PLXNB1: variants seen among roughly 807,000 people sequenced by gnomAD.
PLXNB1 encodes plexin B1.
In PLXNB1, 106 loss-of-function variants were observed where a neutral mutation model predicts 209.4. That is an observed-to-expected ratio of 0.51 (90% CI 0.43 to 0.59). The LOEUF (loss-of-function observed/expected upper bound fraction) is 0.59, where lower values mean the gene tolerates loss of function less well. Ranked by LOEUF, PLXNB1 falls within the 20% of genes least tolerant of loss-of-function variation. The pLI is 0.00. For synonymous variants in PLXNB1, 1,167 were observed against 1,183.2 expected (o/e 0.99, Z 0.28); for missense variants, 2,357 against 2,853.2 (o/e 0.83, Z 3.96).
intron 7 of PLXNB1, 98 bp downstream of exon 7, chr3:48,421,576 T>C: frequency 3.1e-6 from 4 of 1,279,782 alleles, no homozygotes; most frequent in Non-Finnish European, 4.3e-6. Context: ...TGAGGCCATG[T>C]GGTATCTGGC....
rs1349694670 is a variant in PLXNB1, at chr3:48,419,448, G to C, written c.2710-82C>G. On this transcript the variant is annotated intron_variant, in intron 11 of 37. Transcript: ENST00000296440. The surrounding 1 kb of genome is among the most constrained non-coding windows in gnomAD (Gnocchi z 5.7). The stretch of plus-strand genomic sequence containing the variant: ...CTGCCTTGCCAGATTCCAGAGGCAA[G>C]GCCGGTGTGGGGCTGCAGACTCCAC... 2.0e-6 allele frequency: 3 copies of C among 1,505,732 alleles called. No homozygotes were observed. The Admixed American group carries it at 6.5e-5, about 33-fold the overall frequency. The allele number at this position is 1,505,732 out of a possible 1,614,324, so 93.3% of individuals were successfully genotyped here.
intron 21 of PLXNB1, 70 bp from the exon 22 acceptor site, chr3:48,414,141 A>G: frequency 6.7e-7 from 1 of 1,493,892 alleles, no homozygotes; most frequent in African/African-American, 1.4e-5. Context: ...CAAATGTGGG[A>G]AGGACCCTGA....
chr3:48,414,264 C>T (rs942433428), intron 21 of PLXNB1, among the ~76,000 whole-genome samples, 193 bp from the exon 22 acceptor site: 3 of 152,196 alleles, frequency 2.0e-5, no homozygotes, highest in African/African-American at 7.2e-5. Context: ...CCTTTCCTAT[C>T]TTTCTTCTCC....
rs1312558365 is a variant in PLXNB1, at chr3:48,417,555, G to C, written c.3374+356C>G. On this transcript the variant is annotated intron_variant, in intron 16 of 37. Transcript: ENST00000296440. This position sits in a 1 kb window ranked among gnomAD's most constrained non-coding sequence, Gnocchi z 4.4. ...AATGCCTGGGGAAGAGTGAGCTGGT[G>C]AGAAGGCCAGCCCCTGAGCTTATCT... Among the ~76,000 whole-genome samples the C allele has an allele frequency of 6.6e-6, 1 of 152,184 alleles. No individual in the cohort carries two copies. Among genetic ancestry groups the C allele is most frequent in the Non-Finnish European group, 1.5e-5 (1 of 68,016 alleles).
In PLXNB1 at chr3:48,416,369, A is replaced by T. The variant is rs1223318462; in HGVS notation, c.3457T>A (p.Ser1153Thr). The T allele has an allele frequency of 6.2e-7, 1 of 1,612,574 alleles. No homozygotes were observed. The highest frequency in any genetic ancestry group is 8.5e-7 in the Non-Finnish European group (1 of 1,179,642). The change falls in exon 17 of 38, where the codon TCA becomes ACA. Residue 1153 changes from serine to threonine, a missense_variant. Coordinates refer to ENST00000296440, the MANE Select transcript of PLXNB1 (RefSeq NM_001130082.3). This position sits in a 1 kb window ranked among gnomAD's most constrained non-coding sequence, Gnocchi z 4.1. ...VEVPGRGRGV[S>T]EHDFAYQDPK... ...ACCTGGTAGGCAAAGTCGTGTTCTGAGACACCACGTCCTCTTCCCGGCACC... is the reference window on the plus strand; with the variant it reads ...ACCTGGTAGGCAAAGTCGTGTTCTGTGACACCACGTCCTCTTCCCGGCACC...
In PLXNB1 at chr3:48,423,702, T is replaced by A; in HGVS notation, c.910A>T (p.Thr304Ser). 1 of 1,613,596 alleles carries A rather than the reference T, an allele frequency of 6.2e-7. No homozygotes were observed. Among genetic ancestry groups the A allele is most frequent in the Non-Finnish European group, 8.5e-7 (1 of 1,179,870 alleles). ...FAAFSSAAPP[T>S]VGRPPSAAAG... The stretch of plus-strand genomic sequence containing the variant: ...GCCGCCGATGGGGGCCGGCCCACAG[T>A]GGGGGGTGCAGCCGAGGAGAAAGCT... Residue 304 changes from threonine to serine, a missense_variant, in exon 3 of 38, where the codon ACT becomes TCT. Around this residue, in one of 7 missense-constraint regions of PLXNB1, gnomAD observed 404 missense variants for 443.6 expected, o/e 0.91. Transcript: ENST00000296440.
Position 48,416,150 on chromosome 3 carries a change from G to A in PLXNB1, c.3498C>T (p.Ser1166=). 6.3e-7 allele frequency: 1 copy of A among 1,599,578 alleles called. No individual in the cohort carries two copies. Among genetic ancestry groups the A allele is most frequent in the Non-Finnish European group, 8.5e-7 (1 of 1,173,400 alleles). Reference sequence around the variant, plus strand: ...CTCTGGGGCCGCGGGCCGGGAAGATGGAATGGACCTTCGGATCCTGTGGGA... The same window carrying A: ...CTCTGGGGCCGCGGGCCGGGAAGATAGAATGGACCTTCGGATCCTGTGGGA... The part of the protein sequence containing the change: ...DFAYQDPKVH[S]IFPARGPRAG... The change falls in exon 18 of 38, where the codon TCC becomes TCT. Residue 1166 remains serine, a synonymous_variant. Coordinates refer to ENST00000296440, the MANE Select transcript of PLXNB1 (RefSeq NM_001130082.3). This position sits in a 1 kb window ranked among gnomAD's most constrained non-coding sequence, Gnocchi z 4.1.
intron 27 of PLXNB1, 23 bp from the exon 28 acceptor site, chr3:48,412,032 G>A (rs377000810): frequency 6.2e-7 from 1 of 1,613,206 alleles, no homozygotes; most frequent in African/African-American, 1.3e-5. Flanking sequence ...AGGCAGTTAG[G>A]GCCCCCCAGC....
In PLXNB1 at chr3:48,410,649, T is replaced by G; in HGVS notation, c.5417-91A>C. The G allele has an allele frequency of 8.8e-7, 1 of 1,135,794 alleles. No homozygotes were observed. The highest frequency in any genetic ancestry group is 1.3e-5 in the South Asian group (1 of 76,304). 70.4% of individuals were successfully genotyped at this position (1,135,794 alleles called of 1,614,324 possible). The stretch of plus-strand genomic sequence containing the variant: ...CCTCCTCCACAGGGACACCAGCCCC[T>G]CCATCATGGGGCAGCCTTACTCAAC... On this transcript the variant is annotated intron_variant, in intron 29 of 37. Transcript: ENST00000296440. The surrounding 1 kb of genome is among the most constrained non-coding windows in gnomAD (Gnocchi z 6.4).
rs1178462860 is a variant in PLXNB1 at position 48,418,134 on chromosome 3, C to T, written c.3222+57G>A. 6.2e-7 allele frequency: 1 copy of T among 1,608,146 alleles called. No homozygotes were observed. The highest frequency in any genetic ancestry group is 1.1e-5 in the South Asian group (1 of 90,644). On this transcript the variant is annotated intron_variant, in intron 15 of 37. Transcript: ENST00000296440. This position sits in a 1 kb window ranked among gnomAD's most constrained non-coding sequence, Gnocchi z 6.6. The stretch of plus-strand genomic sequence containing the variant: ...GCCCCAACCTCCCACCTTTGGGCCC[C>T]CACACCCTCCCTCTAAGGGCAGCAC...
Position 48,415,367 on chromosome 3 carries a change from T to C in PLXNB1, c.3795-20A>G. ...CCTCCACTGAAACAGACCGTGAGCT[T>C]ACGTAACGTAAGATGGCTTATGTTA... On this transcript the variant is annotated intron_variant, in intron 19 of 37. Transcript: ENST00000296440. This position sits in a 1 kb window ranked among gnomAD's most constrained non-coding sequence, Gnocchi z 5.0. 6.2e-7 allele frequency: 1 copy of C among 1,608,486 alleles called. No individual in the cohort carries two copies. Among genetic ancestry groups the C allele is most frequent in the Non-Finnish European group, 8.5e-7 (1 of 1,176,266 alleles).
rs1452579314 is a variant in PLXNB1, at chr3:48,424,219, C to G, written c.393G>C (p.Leu131=). The change falls in exon 3 of 38, where the codon CTG becomes CTC. Residue 131 remains leucine (L), a synonymous_variant. Transcript: ENST00000296440. The stretch of plus-strand genomic sequence containing the variant: ...TGTCCCCAGGCCGCTCTGGCCGCAG[C>G]AGCAGCTGCTCGAGCTGCCCCAGGC... ...QRRLGQLEQL[L]LRPERPGDTQ... is the part of the protein sequence containing the mutation. The G allele has an allele frequency of 6.2e-7, 1 of 1,601,338 alleles. No individual in the cohort carries two copies. The highest frequency in any genetic ancestry group is 1.3e-5 in the African/African-American group (1 of 74,632).
At position 48,419,488 on chromosome 3, in the gene PLXNB1, C is replaced by T. The variant is rs1245893259; in HGVS notation, c.2709+89G>A. The T allele has an allele frequency of 6.7e-7, 1 of 1,502,506 alleles. No individual in the cohort carries two copies. Among genetic ancestry groups the T allele is most frequent in the East Asian group, 2.3e-5 (1 of 43,146 alleles). The allele number at this position is 1,502,506 out of a possible 1,614,324, so 93.1% of individuals were successfully genotyped here. A position where few individuals can be genotyped will look rare whatever the true frequency, so the allele number is the denominator to read the frequency against. On this transcript the variant is annotated intron_variant, in intron 11 of 37. Coordinates refer to ENST00000296440, the MANE Select transcript of PLXNB1 (RefSeq NM_001130082.3). The surrounding 1 kb of genome is among the most constrained non-coding windows in gnomAD (Gnocchi z 5.7). ...GCAGACTCCACCCTGCCCCTCACCT[C>T]CTCCCAGTGCAGAATCACAAGGCAA...
rs2037257497 is a variant in PLXNB1, at chr3:48,405,457, G to C, written c.6303+267C>G. ...TGCACACCATCTCCAGGCCCTGGTA[G>C]ACCCCTTGGCCCCCACAACCACCAG... On this transcript the variant is annotated intron_variant, in intron 37 of 37. Coordinates refer to ENST00000296440, the MANE Select transcript of PLXNB1 (RefSeq NM_001130082.3). This position sits in a 1 kb window ranked among gnomAD's most constrained non-coding sequence, Gnocchi z 5.0. Among the ~76,000 whole-genome samples the C allele has an allele frequency of 6.6e-6, 1 of 152,192 alleles. No individual in the cohort carries two copies. The highest frequency in any genetic ancestry group is 2.4e-5 in the African/African-American group (1 of 41,444).
rs1242951245 is a variant in PLXNB1, at chr3:48,417,200, G to A, written c.3374+711C>T. ...ATTCAGGGGACACTCCGTGCTCCAG[G>A]AGAGTGGTTCCTTGTTTCAAATACA... On this transcript the variant is annotated intron_variant, in intron 16 of 37. Coordinates refer to ENST00000296440, the MANE Select transcript of PLXNB1 (RefSeq NM_001130082.3). This position sits in a 1 kb window ranked among gnomAD's most constrained non-coding sequence, Gnocchi z 4.4. 6.6e-6 allele frequency among the ~76,000 whole-genome samples: 1 copy of A among 152,234 alleles called. No homozygotes were observed. The highest frequency in any genetic ancestry group is 2.4e-5 in the African/African-American group (1 of 41,456).
At position 48,418,893 on chromosome 3, in the gene PLXNB1, C is replaced by T. The variant is rs775809016; in HGVS notation, c.2955+24G>A. The T allele has an allele frequency of 6.2e-7, 1 of 1,613,470 alleles. No individual in the cohort carries two copies. Among genetic ancestry groups the T allele is most frequent in the Non-Finnish European group, 8.5e-7 (1 of 1,179,856 alleles). ...GTGGCCAGTGCAGTGCACCCGTGCC[C>T]ACCCAGGCGCTCATGGTGTGCACCT... On this transcript the variant is annotated intron_variant, in intron 13 of 37. Transcript: ENST00000296440. The surrounding 1 kb of genome is among the most constrained non-coding windows in gnomAD (Gnocchi z 6.6).
At chr3:48,407,151 A>T (rs1437203908) in intron 34 of PLXNB1, 60 bp from the exon 35 acceptor site, 2 of 1,450,530 alleles carry the variant, frequency 1.4e-6, no homozygotes, top group African/African-American at 2.8e-5. Context: ...TCCCTGTTCG[A>T]GTGATCAAGT....
At position 48,415,082 on chromosome 3, in the gene PLXNB1, G is replaced by A. The variant is rs80306609; in HGVS notation, c.3967-41C>T. On this transcript the variant is annotated intron_variant, in intron 20 of 37. Coordinates refer to ENST00000296440, the MANE Select transcript of PLXNB1 (RefSeq NM_001130082.3). The surrounding 1 kb of genome is among the most constrained non-coding windows in gnomAD (Gnocchi z 5.0). Reference sequence around the variant, plus strand: ...GCAGGTTGACGAGGGGCCAAGCAAAGATGGGAAGAGCCTCCTCTGGCACCT... The same window carrying A: ...GCAGGTTGACGAGGGGCCAAGCAAAAATGGGAAGAGCCTCCTCTGGCACCT... 1.9e-6 allele frequency: 3 copies of A among 1,608,522 alleles called. No homozygotes were observed. The African/African-American group carries it at 4.0e-5, about 21-fold the overall frequency.
intron 34 of PLXNB1, among the ~76,000 whole-genome samples, chr3:48,408,870 C>A (rs1028997369): frequency 6.6e-6 from 1 of 152,306 alleles, no homozygotes; most frequent in South Asian, 2.1e-4. Flanking sequence ...CCCTCCCACC[C>A]GGCTTGAACC....
Sources: gnomAD v4.1 joint callset for allele counts (sites outside exome capture counted in the v4.1 genomes callset) on GRCh38, gnomAD v4.1.1 for gene constraint, gnomAD v4.1.1 regional missense constraint, Gnocchi (gnomAD v3.1) non-coding constraint, MANE v1.5 for transcripts, NCBI Gene and HGNC (gene_info 2026-07-23, HGNC 2026-07-21) for gene names.